GDA: variants seen among roughly 807,000 people sequenced by gnomAD.
GDA encodes the protein guanine deaminase.
In GDA, 18 loss-of-function variants were observed where a neutral mutation model predicts 59.6. The observed-to-expected ratio is 0.30, with a 90% CI of 0.21 to 0.45. The LOEUF is 0.45. Among genes scored for constraint, GDA ranks in the 20% least tolerant of loss-of-function variants. The probability of loss-of-function intolerance (pLI) is 1.00; values close to 1 mark genes in which losing one functional copy is unlikely to be tolerated. For synonymous variants in GDA, 201 were observed against 201.1 expected (o/e 1.00, Z 0.00); for missense variants, 427 against 552.3 (o/e 0.77, Z 2.27).
intron 5 of GDA, among the ~76,000 whole-genome samples, chr9:72,215,056 T>C (rs905972133): frequency 3.3e-5 from 5 of 152,122 alleles, no homozygotes; most frequent in Admixed American, 3.3e-4. Flanking sequence ...TCTCATGATA[T>C]AGATCACACC....
At chr9:72,140,275 A>T (rs1053990228) in intron 1 of GDA, among the ~76,000 whole-genome samples, 1 of 152,052 alleles carries the variant, frequency 6.6e-6, no homozygotes, top group African/African-American at 2.4e-5. Flanking sequence ...TCTTCACCTG[A>T]ATTTGAGAGT....
chr9:72,150,949 G>A (rs1827131726), intron 1 of GDA, among the ~76,000 whole-genome samples: 1 of 152,122 alleles, frequency 6.6e-6, no homozygotes, highest in Non-Finnish European at 1.5e-5. Flanking sequence ...GTCCCAGGAA[G>A]CAAAGGAACG....
rs937770613 is a variant in GDA, at chr9:72,173,936, C to G, written c.124-21564C>G. ...TTTCTTTTTCTTCTCTCTCTCTGCT[C>G]CTCTCTACACTGGTTGATGCCCTTA... On this transcript the variant is annotated intron_variant, in intron 1 of 13. Transcript: ENST00000358399. Among the ~76,000 whole-genome samples, 4 of 152,094 alleles carry G rather than the reference C, an allele frequency of 2.6e-5. No individual in the cohort carries two copies. In the East Asian group the frequency reaches 7.7e-4, roughly 29 times the overall value.
chr9:72,235,886 T>G (rs2131717646), intron 10 of GDA, among the ~76,000 whole-genome samples: 1 of 151,412 alleles, frequency 6.6e-6, no homozygotes, highest in African/African-American at 2.4e-5. Flanking sequence ...GAAGGAAAAA[T>G]TTAAACATAT....
upstream of GDA, among the ~76,000 whole-genome samples, chr9:72,145,945 C>T (rs1462203502): frequency 1.3e-5 from 2 of 152,128 alleles, no homozygotes; most frequent in Admixed American, 1.3e-4. Context: ...TATTGAGCAC[C>T]TCCTAGTGAC....
downstream of GDA, among the ~76,000 whole-genome samples, chr9:72,256,009 CT>C (rs1466245564): frequency 6.6e-6 from 1 of 152,076 alleles, no homozygotes; most frequent in Non-Finnish European, 1.5e-5. Context: ...GTTTGTAGTA[CT>C]GTAGACCATT....
chr9:72,196,623 G>A (rs903569135), intron 2 of GDA, among the ~76,000 whole-genome samples: 1 of 151,814 alleles, frequency 6.6e-6, no homozygotes, highest in East Asian at 1.9e-4. Flanking sequence ...TGTGCAGAAC[G>A]TGCAGGTTTG....
In GDA at chr9:72,165,754, C is replaced by G. The variant is rs192991015; in HGVS notation, c.123+16072C>G. ...CTCTACTAAAAATACAAAAATTAGC[C>G]GGGCATGATGGCAGGTGCCTGTAAT... On this transcript the variant is annotated intron_variant, in intron 1 of 13. Transcript: ENST00000358399. 1.8e-4 allele frequency among the ~76,000 whole-genome samples: 28 copies of G among 151,444 alleles called. No homozygotes were observed. In the East Asian group the frequency reaches 4.7e-3, roughly 25 times the overall value.
chr9:72,223,142 T>G lies in GDA; in HGVS notation c.629T>G (p.Val210Gly). 4 of 1,603,990 alleles carry G rather than the reference T, an allele frequency of 2.5e-6. No individual in the cohort carries two copies. Among genetic ancestry groups the G allele is most frequent in the Non-Finnish European group, 3.4e-6 (4 of 1,170,836 alleles). The change falls in exon 7 of 14, where the codon GTG (valine) becomes GGG (glycine). Residue 210 changes from valine (V) to glycine (G), a missense_variant. Coordinates refer to ENST00000358399, the MANE Select transcript of GDA (RefSeq NM_004293.5). Reference sequence around the variant, plus strand: ...CAGTATTCTAGAGTGAAGCCCATAGTGACACCACGTTTTTCCCTCTCCTGC... The same window carrying G: ...CAGTATTCTAGAGTGAAGCCCATAGGGACACCACGTTTTTCCCTCTCCTGC... ...QKNYSRVKPIVTPRFSLSCSE... is the reference protein window; with the variant it reads ...QKNYSRVKPIGTPRFSLSCSE...
chr9:72,226,968 A>T (rs936742739), intron 8 of GDA, among the ~76,000 whole-genome samples: 4 of 152,088 alleles, frequency 2.6e-5, no homozygotes, highest in African/African-American at 9.7e-5. Flanking sequence ...ATACAAAAAA[A>T]TTAGCCAGGC....
At position 72,248,392 on chromosome 9, in the gene GDA, C is replaced by T. The variant is rs1301851316; in HGVS notation, c.*50C>T. The T allele has an allele frequency of 1.9e-6, 3 of 1,610,880 alleles. No homozygotes were observed. The highest frequency in any genetic ancestry group is 2.5e-6 in the Non-Finnish European group (3 of 1,178,810). On this transcript the variant is annotated 3_prime_UTR_variant, in exon 14 of 14. Transcript: ENST00000358399. ...TCCTGGGATTAGCGTGGTTCTGCAT[C>T]TCCCTTGTGCCCAGGTGGAGTTAGA... is the stretch of plus-strand genomic sequence containing the variant.
At chr9:72,143,570 G>T (rs1826519410) in intron 1 of GDA, among the ~76,000 whole-genome samples, 1 of 152,120 alleles carries the variant, frequency 6.6e-6, no homozygotes, top group Admixed American at 6.6e-5. Context: ...AAACCTTCCA[G>T]CCAGAAAAAT....
Position 72,213,996 on chromosome 9 carries a change from A to G in GDA, c.578+5A>G, listed in dbSNP as rs1835763721. On this transcript the variant is annotated splice_donor_5th_base_variant and intron_variant, in intron 5 of 13. Coordinates refer to ENST00000358399, the MANE Select transcript of GDA (RefSeq NM_004293.5). ...ATCGATCAAGGAAACTGAGAGGTAA[A>G]AGGCCCATTTGTCTTGATTTGTCTT... 1 of 1,451,070 alleles carries G rather than the reference A, an allele frequency of 6.9e-7. No homozygotes were observed. The highest frequency in any genetic ancestry group is 9.7e-7 in the Non-Finnish European group (1 of 1,031,404). 89.9% of individuals were successfully genotyped at this position (1,451,070 alleles called of 1,614,324 possible). A position where few individuals can be genotyped will look rare whatever the true frequency, so the allele number is the denominator to read the frequency against.
chr9:72,194,563 G>A (rs1037438006), intron 1 of GDA, among the ~76,000 whole-genome samples: 7 of 152,104 alleles, frequency 4.6e-5, no homozygotes, highest in Non-Finnish European at 8.8e-5. Context: ...GCCATGAGCT[G>A]TGTGGCCTGG....
chr9:72,195,582 G>T lies in GDA; in HGVS notation c.206G>T (p.Ser69Ile), dbSNP rs748815535. Reference sequence around the variant, plus strand: ...AAGCCGTGTGAAATAAGAGAACTGAGCCACCAGTAAGTTGTTACTTCTTCC... The same window carrying T: ...AAGCCGTGTGAAATAAGAGAACTGATCCACCAGTAAGTTGTTACTTCTTCC... ...CFKPCEIREL[S>I]HHEFFMPGLV... The change falls in exon 2 of 14, where the codon AGC (serine) becomes ATC (isoleucine). Residue 69 changes from serine to isoleucine, a missense_variant. By Grantham distance (142) the Ser-to-Ile change is moderately radical. Transcript: ENST00000358399. 5.2e-6 allele frequency: 8 copies of T among 1,530,688 alleles called. No individual in the cohort carries two copies. The highest frequency in any genetic ancestry group is 7.2e-6 in the Non-Finnish European group (8 of 1,117,580). 94.8% of individuals were successfully genotyped at this position (1,530,688 alleles called of 1,614,324 possible). A position where few individuals can be genotyped will look rare whatever the true frequency, so the allele number is the denominator to read the frequency against.
At chr9:72,244,017 T>C (rs368314469) in intron 11 of GDA, among the ~76,000 whole-genome samples, 214 of 151,818 alleles carry the variant, frequency 1.4e-3, no homozygotes, top group African/African-American at 4.9e-3. Context: ...CTACTAAAAA[T>C]ACACAAAAAA....
intron 1 of GDA, among the ~76,000 whole-genome samples, chr9:72,124,612 C>T (rs1825782459): frequency 6.6e-6 from 1 of 152,172 alleles, no homozygotes; most frequent in Admixed American, 6.6e-5. Context: ...GTCAAACAGG[C>T]TGCCTTCCTA....
At chr9:72,208,252 G>A (rs1834962312) in intron 3 of GDA, among the ~76,000 whole-genome samples, 1 of 152,116 alleles carries the variant, frequency 6.6e-6, no homozygotes, top group Non-Finnish European at 1.5e-5. Context: ...GTCTGTACTA[G>A]TCAAGAAAAC....
chr9:72,131,151 G>A (rs954885989), intron 1 of GDA, among the ~76,000 whole-genome samples: 3 of 152,204 alleles, frequency 2.0e-5, no homozygotes, highest in Non-Finnish European at 4.4e-5. Flanking sequence ...GAAGGCCAGA[G>A]GGCCTCCCTG....
Sources: allele counts gnomAD v4.1 joint callset (sites outside exome capture counted in the v4.1 genomes callset), GRCh38; gene constraint gnomAD v4.1.1; transcripts MANE v1.5; gene names NCBI Gene and HGNC (gene_info 2026-07-23, HGNC 2026-07-21).